BNC2: variants seen among roughly 807,000 people sequenced by gnomAD.
BNC2 encodes the protein zinc finger protein basonuclin-2.
Under a neutral mutation model 76.3 loss-of-function variants are expected in BNC2, and 20 were observed. That is an observed-to-expected ratio of 0.26 (90% CI 0.18 to 0.38). The LOEUF (loss-of-function observed/expected upper bound fraction) is 0.38. Ranked by LOEUF, BNC2 falls within the 10% of genes least tolerant of loss-of-function variation. BNC2 has a pLI of 1.00. For missense variants in BNC2, 1,382 were observed against 1,399.8 expected, an observed-to-expected ratio of 0.99 and a Z score of 0.20; for synonymous variants, 582 against 514.8, an observed-to-expected ratio of 1.13 and a Z score of -1.77.
intron 1 of BNC2, among the ~76,000 whole-genome samples, chr9:16,831,188 G>C (rs1488079041): frequency 1.3e-5 from 2 of 152,168 alleles, no homozygotes; most frequent in African/African-American, 2.4e-5. Flanking sequence ...TATTATTCCA[G>C]TCTAATCTAC....
chr9:16,606,477 T>C (rs1459507290), intron 3 of BNC2, among the ~76,000 whole-genome samples: 1 of 151,902 alleles, frequency 6.6e-6, no homozygotes, highest in African/African-American at 2.4e-5. Context: ...TCAGGGCAGG[T>C]CTTTCCCATG....
chr9:16,782,238 T>C (rs35339547), intron 1 of BNC2, among the ~76,000 whole-genome samples: 601 of 152,080 alleles, frequency 4.0e-3, no homozygotes, highest in Non-Finnish European at 7.2e-3. Context: ...TCAGCCGAGA[T>C]TGTGCCACTG....
chr9:16,867,552 G>T (rs1485382590), intron 1 of BNC2: 2 of 152,072 alleles, frequency 1.3e-5, no homozygotes. Flanking sequence ...AATACTTAAG[G>T]AATATTTAAA....
intron 1 of BNC2, among the ~76,000 whole-genome samples, chr9:16,768,456 A>G (rs1435692532): frequency 6.6e-6 from 1 of 152,238 alleles, no homozygotes; most frequent in Non-Finnish European, 1.5e-5. Context: ...GAGACATTTA[A>G]CAAGAATTGG....
At chr9:16,599,549 C>T (rs1467414465) in intron 3 of BNC2, among the ~76,000 whole-genome samples, 1 of 152,088 alleles carries the variant, frequency 6.6e-6, no homozygotes, top group African/African-American at 2.4e-5. Flanking sequence ...TTTGGGAGGC[C>T]GAGGTAGGTG....
intron 1 of BNC2, among the ~76,000 whole-genome samples, chr9:16,861,354 T>C (rs1052602017): frequency 2.0e-5 from 3 of 151,612 alleles, no homozygotes; most frequent in Non-Finnish European, 4.4e-5. Context: ...AAAGACCCTG[T>C]CTCTTTAAAA....
intron 1 of BNC2, among the ~76,000 whole-genome samples, chr9:16,778,341 C>T (rs1403072930): frequency 1.3e-5 from 2 of 152,086 alleles, no homozygotes; most frequent in African/African-American, 4.8e-5. Flanking sequence ...TGACAAAATT[C>T]CAGAGTCTTC....
chr9:16,543,657 A>G (rs1049825327), intron 5 of BNC2, among the ~76,000 whole-genome samples: 2 of 152,216 alleles, frequency 1.3e-5, no homozygotes, highest in Admixed American at 1.3e-4. Context: ...CTCTGAGCAC[A>G]AAACATCAAG....
intron 5 of BNC2, among the ~76,000 whole-genome samples, chr9:16,519,126 C>G (rs574359988): frequency 1.3e-5 from 2 of 152,160 alleles, no homozygotes; most frequent in African/African-American, 4.8e-5. Flanking sequence ...CTGGCCCTAC[C>G]TTCTCAGCTG....
chr9:16,861,337 G>GA (rs1819406067), intron 1 of BNC2, among the ~76,000 whole-genome samples: 1 of 151,564 alleles, frequency 6.6e-6, no homozygotes, highest in Non-Finnish European at 1.5e-5. Context: ...CTGCACAACA[G>GA]AACTAGAAAG....
rs555919770 is a variant in BNC2, at chr9:16,573,046, G to C, written c.433+9937C>G. On this transcript the variant is annotated intron_variant, in intron 4 of 6. Coordinates refer to ENST00000380672, the MANE Select transcript of BNC2 (RefSeq NM_017637.6). ...AGCTTGAGACCAGCCTGGGCAACAA[G>C]ACGAAACCCTATCTCTACAAAAAAT... is the stretch of plus-strand genomic sequence containing the variant. Among the ~76,000 whole-genome samples the C allele has an allele frequency of 9.2e-5, 14 of 152,044 alleles. No homozygotes were observed. The South Asian group carries it at 2.9e-3, about 32-fold the overall frequency.
chr9:16,832,350 T>A, intron 1 of BNC2: 1 of 1,252,678 alleles, frequency 8.0e-7, no homozygotes, highest in Non-Finnish European at 1.0e-6. Flanking sequence ...AACCAGGCAA[T>A]CTGTGAAACA....
At position 16,860,200 on chromosome 9, in the gene BNC2, T is replaced by A. The variant is rs1399462454; in HGVS notation, c.3+10446A>T. Among the ~76,000 whole-genome samples the A allele has an allele frequency of 8.5e-5, 13 of 152,058 alleles. No individual in the cohort carries two copies. In the East Asian group the frequency reaches 2.3e-3, roughly 27 times the overall value. ...CAAATTGCTTTTTAAAAAGTCAACT[T>A]CTAAGGAACTAAGAATGGCTAAAAC... On this transcript the variant is annotated intron_variant, in intron 1 of 6. Transcript: ENST00000380672.
chr9:16,797,314 T>C (rs1563947696), intron 1 of BNC2, among the ~76,000 whole-genome samples: 1 of 152,164 alleles, frequency 6.6e-6, no homozygotes, highest in Non-Finnish European at 1.5e-5. Context: ...TTCTCCACTA[T>C]ACAATGGAAA....
chr9:16,851,325 T>C (rs886379100), intron 1 of BNC2, among the ~76,000 whole-genome samples: 3 of 151,204 alleles, frequency 2.0e-5, no homozygotes, highest in South Asian at 2.1e-4. Context: ...CTGGGCAGCA[T>C]AGTGAGACCT....
intron 3 of BNC2, among the ~76,000 whole-genome samples, chr9:16,700,781 G>A (rs1467066862): frequency 6.6e-6 from 1 of 152,040 alleles, no homozygotes; most frequent in African/African-American, 2.4e-5. Flanking sequence ...CTAACATGGT[G>A]AAACCCCATC....
At chr9:16,832,556 C>A (rs1037034957) in intron 1 of BNC2, among the ~76,000 whole-genome samples, 1 of 152,136 alleles carries the variant, frequency 6.6e-6, no homozygotes, top group African/African-American at 2.4e-5. Flanking sequence ...AACCCAAGTT[C>A]TATAATAAAC....
At chr9:16,562,500 G>C (rs973046970) in intron 4 of BNC2, among the ~76,000 whole-genome samples, 1 of 152,176 alleles carries the variant, frequency 6.6e-6, no homozygotes, top group East Asian at 1.9e-4. Flanking sequence ...TTATCATTTA[G>C]TAAGGTAGTT....
At position 16,435,679 on chromosome 9, in the gene BNC2, T is replaced by C; in HGVS notation, c.2515A>G (p.Lys839Glu). Reference protein sequence around the residue: ...SPDPKICYVCKKSFKSSYSVK... With the variant: ...SPDPKICYVCEKSFKSSYSVK... ...CTGTAGGAGCTTTTGAAACTCTTCT[T>C]GCACACATAACAGATTTTGGGGTCT... Residue 839 changes from lysine (K) to glutamate (E), a missense_variant, in exon 6 of 7, where the codon AAG (lysine) becomes GAG (glutamate). By Grantham distance (56) the Lys-to-Glu change is moderately conservative. This residue lies in a region of BNC2 where 798 missense variants were observed against 775.5 expected (regional missense o/e 1.03). Transcript: ENST00000380672. The C allele has an allele frequency of 6.2e-7, 1 of 1,614,170 alleles. No homozygotes were observed. The highest frequency in any genetic ancestry group is 8.5e-7 in the Non-Finnish European group (1 of 1,180,032).
Sources: allele counts gnomAD v4.1 joint callset (sites outside exome capture counted in the v4.1 genomes callset), GRCh38; gene constraint gnomAD v4.1.1; regional missense constraint gnomAD v4.1.1; transcripts MANE v1.5; gene names NCBI Gene and HGNC (gene_info 2026-07-23, HGNC 2026-07-21).